SUDS3: variants seen among roughly 807,000 people sequenced by gnomAD.
SUDS3 encodes the protein sin3 histone deacetylase corepressor complex component SDS3.
In SUDS3, 23 loss-of-function variants were observed where a neutral mutation model predicts 53.5. The observed-to-expected ratio is 0.43, with a 90% CI of 0.31 to 0.61. The LOEUF is 0.61. Ranked by LOEUF, SUDS3 falls within the 20% of genes least tolerant of loss-of-function variation. SUDS3 has a pLI of 0.10. For synonymous variants in SUDS3, 150 were observed against 148.5 expected (o/e 1.01, Z -0.08); for missense variants, 291 against 405.9 (o/e 0.72, Z 2.43).
At chr12:118,380,886 G>T (rs2046052226) in intron 2 of SUDS3, among the ~76,000 whole-genome samples, 2 of 152,118 alleles carry the variant, frequency 1.3e-5, no homozygotes, top group South Asian at 4.1e-4. Context: ...TGTATTTTTA[G>T]TAGAGACAGG....
chr12:118,380,435 A>C (rs2046046248), intron 2 of SUDS3, among the ~76,000 whole-genome samples: 1 of 152,192 alleles, frequency 6.6e-6, no homozygotes. Context: ...AGTATATTGC[A>C]AATAATCTAA....
Position 118,386,121 on chromosome 12 carries a change from A to C in SUDS3, c.276A>C (p.Leu92Phe). ...RQLQQLQEGT[L>F]QEYQKRMKKL... is the part of the protein sequence containing the mutation. ...TCAAATGTTCAAAATCAGGTACATT[A>C]CAGGAATATCAGAAGAGAATGAAAA... Residue 92 changes from leucine (L) to phenylalanine (F), a missense_variant, in exon 4 of 12, where the codon TTA becomes TTC. Leu to Phe is a conservative substitution (Grantham distance 22). Coordinates refer to ENST00000543473, the MANE Select transcript of SUDS3 (RefSeq NM_022491.3). 1.9e-6 allele frequency: 3 copies of C among 1,594,902 alleles called. No individual in the cohort carries two copies. Among genetic ancestry groups the C allele is most frequent in the Non-Finnish European group, 2.6e-6 (3 of 1,169,580 alleles).
At chr12:118,382,968 TC>T (rs1206804376) in intron 2 of SUDS3, among the ~76,000 whole-genome samples, 1 of 152,080 alleles carries the variant, frequency 6.6e-6, no homozygotes, top group African/African-American at 2.4e-5. Flanking sequence ...TTGCCTGGCC[TC>T]CCTTAGTATT....
At chr12:118,408,180 T>A (rs985578890) in intron 10 of SUDS3, among the ~76,000 whole-genome samples, 1 of 152,104 alleles carries the variant, frequency 6.6e-6, no homozygotes, top group Non-Finnish European at 1.5e-5. Flanking sequence ...ATTACAGGCG[T>A]AAGCCACTAC....
intron 11 of SUDS3, among the ~76,000 whole-genome samples, chr12:118,413,744 TGA>T (rs2046377649): frequency 6.6e-6 from 1 of 152,150 alleles, no homozygotes. Context: ...ATACTGTCTG[TGA>T]GAGGGGGATA....
chr12:118,403,660 T>C (rs891824136), intron 10 of SUDS3, 143 bp downstream of exon 10: 11 of 667,652 alleles, frequency 1.6e-5, no homozygotes, highest in Non-Finnish European at 2.8e-5. Flanking sequence ...AAAAATGTAT[T>C]AGCAGTCATT....
chr12:118,400,585 T>C, intron 6 of SUDS3, 74 bp from the exon 7 acceptor site: 2 of 1,432,774 alleles, frequency 1.4e-6, no homozygotes, highest in South Asian at 2.3e-5. Flanking sequence ...GGGGCAGATA[T>C]TCTTATACTA....
chr12:118,391,351 AC>A (rs2046166566), intron 6 of SUDS3, 69 bp downstream of exon 6: 1 of 1,514,740 alleles, frequency 6.6e-7, no homozygotes, highest in Admixed American at 2.2e-5. Flanking sequence ...TGTTCCAGTT[AC>A]TTTTGTCTTA....
intron 6 of SUDS3, among the ~76,000 whole-genome samples, chr12:118,397,930 C>G (rs987879100): frequency 6.6e-6 from 1 of 152,130 alleles, no homozygotes; most frequent in Non-Finnish European, 1.5e-5. Context: ...ACAGAACATT[C>G]CATAATGTTC....
rs1415644539 is a variant in SUDS3, at chr12:118,417,898, G to A, written c.*3465G>A. On this transcript the variant is annotated 3_prime_UTR_variant, in exon 12 of 12. Transcript: ENST00000543473. ...TGATGTCAGGCTAATACTCAGTTTT[G>A]TAAAGAGCAATCTGGGGTGTTGACC... is the stretch of plus-strand genomic sequence containing the variant. 1 of 152,126 alleles carries A rather than the reference G, an allele frequency of 6.6e-6. No individual in the cohort carries two copies. The highest frequency in any genetic ancestry group is 2.4e-5 in the African/African-American group (1 of 41,440). 9.4% of individuals were successfully genotyped at this position (152,126 alleles called of 1,614,324 possible). A position where few individuals can be genotyped will look rare whatever the true frequency, so the allele number is the denominator to read the frequency against.
intron 10 of SUDS3, among the ~76,000 whole-genome samples, chr12:118,409,036 A>C (rs1210405142): frequency 6.6e-6 from 1 of 152,188 alleles, no homozygotes; most frequent in East Asian, 1.9e-4. Context: ...TTGTGATAAT[A>C]CATATTTAGC....
intron 10 of SUDS3, chr12:118,404,568 T>C (rs2046293598): frequency 6.6e-6 from 1 of 152,258 alleles, no homozygotes; most frequent in South Asian, 2.1e-4. Flanking sequence ...TTCTGCTAGA[T>C]ATGAAATGGA....
intron 4 of SUDS3, among the ~76,000 whole-genome samples, chr12:118,388,263 A>G (rs182287553): frequency 5.3e-5 from 8 of 152,320 alleles, no homozygotes; most frequent in Admixed American, 3.9e-4. Flanking sequence ...ACAACTGTTA[A>G]CATCTGGGCT....
chr12:118,413,681 A>G (rs1358607503), intron 11 of SUDS3, among the ~76,000 whole-genome samples: 1 of 152,168 alleles, frequency 6.6e-6, no homozygotes, highest in East Asian at 1.9e-4. Flanking sequence ...GCAAGAGTTC[A>G]TTCTCAATTC....
intron 4 of SUDS3, among the ~76,000 whole-genome samples, chr12:118,388,139 G>C (rs1387781231): frequency 6.6e-6 from 1 of 152,230 alleles, no homozygotes; most frequent in East Asian, 1.9e-4. Flanking sequence ...ACATTGGGTT[G>C]GGTGTGCCTG....
At chr12:118,389,855 T>C (rs2046149662) in intron 4 of SUDS3, 72 bp from the exon 5 acceptor site, 7 of 1,579,766 alleles carry the variant, frequency 4.4e-6, no homozygotes, top group Non-Finnish European at 6.1e-6. Flanking sequence ...TGCTTCTAAA[T>C]GAATGCTAAC....
At chr12:118,409,341 T>C (rs1248538714) in intron 10 of SUDS3, among the ~76,000 whole-genome samples, 1 of 152,058 alleles carries the variant, frequency 6.6e-6, no homozygotes, top group Non-Finnish European at 1.5e-5. Flanking sequence ...GAGATGGGGT[T>C]TCACCATGTT....
In SUDS3 at chr12:118,417,670, G is replaced by C. The variant is rs1479977095; in HGVS notation, c.*3237G>C. 3.4e-5 allele frequency: 5 copies of C among 146,992 alleles called. No homozygotes were observed. The East Asian group carries it at 8.0e-4, about 24-fold the overall frequency. 9.1% of individuals were successfully genotyped at this position (146,992 alleles called of 1,614,324 possible). On this transcript the variant is annotated 3_prime_UTR_variant, in exon 12 of 12. Transcript: ENST00000543473. ...TGAGAGGTGAATGTAAAATATAAAA[G>C]GTATAGGTTTTTTTTTTTTTTTAAA...
At position 118,376,682 on chromosome 12, in the gene SUDS3, C is replaced by T. The variant is rs1293528791; in HGVS notation, c.-10C>T. On this transcript the variant is annotated 5_prime_UTR_variant, in exon 1 of 12. Coordinates refer to ENST00000543473, the MANE Select transcript of SUDS3 (RefSeq NM_022491.3). ...TCCGTGGGCCACGCTCAGCTGCGGT[C>T]AGAGGCGACATGAGTGCCGCGGGGC... is the stretch of plus-strand genomic sequence containing the variant. The T allele has an allele frequency of 8.7e-6, 13 of 1,489,300 alleles. No individual in the cohort carries two copies. Among genetic ancestry groups the T allele is most frequent in the Non-Finnish European group, 1.2e-5 (13 of 1,127,496 alleles). 92.3% of individuals were successfully genotyped at this position (1,489,300 alleles called of 1,614,324 possible).
Sources: allele counts gnomAD v4.1 joint callset (sites outside exome capture counted in the v4.1 genomes callset), GRCh38; gene constraint gnomAD v4.1.1; transcripts MANE v1.5; gene names NCBI Gene and HGNC (gene_info 2026-07-23, HGNC 2026-07-21).